Variants in ENPP2 observed in about 807,000 individuals in gnomAD.
ENPP2 encodes ectonucleotide pyrophosphatase/phosphodiesterase 2.
ENPP2 carries 51 observed loss-of-function variants against 120.2 expected under a neutral mutation model. The ratio of observed to expected loss-of-function variants is 0.42; its 90% CI spans 0.34 to 0.54. ENPP2 has a LOEUF of 0.54. ENPP2 is among the 20% of genes least tolerant of loss of function. The probability of loss-of-function intolerance (pLI) is 0.04; values close to 1 mark genes in which losing one functional copy is unlikely to be tolerated. For missense variants in ENPP2, 920 were observed against 1,066.5 expected, an observed-to-expected ratio of 0.86 and a Z score of 1.91; for synonymous variants, 365 against 366.4, an observed-to-expected ratio of 1.00 and a Z score of 0.04.
chr8:119,562,767 G>T, intron 24 of ENPP2, 90 bp downstream of exon 24: 2 of 1,248,212 alleles, frequency 1.6e-6, no homozygotes, highest in Non-Finnish European at 2.3e-6. Context: ...TTTATAATAA[G>T]TATGTTCTAG....
At chr8:119,652,896 A>G (rs1817665284) in intron 1 of ENPP2, among the ~76,000 whole-genome samples, 1 of 152,238 alleles carries the variant, frequency 6.6e-6, no homozygotes, top group South Asian at 2.1e-4. Flanking sequence ...TTGAAGCAGA[A>G]TACAAAATTT....
intron 1 of ENPP2, among the ~76,000 whole-genome samples, chr8:119,646,768 A>G (rs1030054585): frequency 5.9e-5 from 9 of 152,138 alleles, no homozygotes; most frequent in Non-Finnish European, 1.2e-4. Context: ...TTAATTAGAG[A>G]ACTATTTTCT....
chr8:119,662,342 T>C (rs1817945571), intron 1 of ENPP2, among the ~76,000 whole-genome samples: 1 of 152,142 alleles, frequency 6.6e-6, no homozygotes, highest in Non-Finnish European at 1.5e-5. Flanking sequence ...AACAATAAAG[T>C]AAATTGCATA....
intron 1 of ENPP2, among the ~76,000 whole-genome samples, chr8:119,647,942 T>C (rs1359637242): frequency 2.0e-5 from 3 of 152,002 alleles, no homozygotes; most frequent in Non-Finnish European, 4.4e-5. Flanking sequence ...GAGGCAGAGG[T>C]TGCAGTGAGC....
chr8:119,584,142 G>A lies in ENPP2; in HGVS notation c.1368-93C>T, dbSNP rs190732196. 2.0e-3 allele frequency: 1,619 copies of A among 817,090 alleles called. 2 individuals are homozygous for A. The highest frequency in any genetic ancestry group is 2.9e-3 in the Non-Finnish European group (1,429 of 492,812). The allele number at this position is 817,090 out of a possible 1,614,324, so 50.6% of individuals were successfully genotyped here. Reference sequence around the variant, plus strand: ...CAGGGTACAAAGAATATCTAAGAAGGGGCTTTTGAAAGTTTGCCTCTATTT... The same window carrying A: ...CAGGGTACAAAGAATATCTAAGAAGAGGCTTTTGAAAGTTTGCCTCTATTT... On this transcript the variant is annotated intron_variant, in intron 15 of 24. Transcript: ENST00000075322.
intron 2 of ENPP2, among the ~76,000 whole-genome samples, chr8:119,635,450 G>C (rs1269517415): frequency 6.6e-6 from 1 of 152,176 alleles, no homozygotes; most frequent in Non-Finnish European, 1.5e-5. Context: ...TAAATCACAA[G>C]TTTCAATAAA....
chr8:119,589,193 C>T (rs746734513), intron 13 of ENPP2, among the ~76,000 whole-genome samples: 2 of 152,166 alleles, frequency 1.3e-5, no homozygotes, highest in South Asian at 2.1e-4. Flanking sequence ...AACACAATCT[C>T]TTGTTTAATC....
chr8:119,654,100 T>C (rs928980575), intron 1 of ENPP2, among the ~76,000 whole-genome samples: 14 of 144,304 alleles, frequency 9.7e-5, no homozygotes, highest in African/African-American at 3.3e-4. Flanking sequence ...TATATATCTA[T>C]ATAACATGTA....
rs533600983 is a variant in ENPP2 at position 119,665,151 on chromosome 8, C to T, written c.21+8101G>A. On this transcript the variant is annotated intron_variant, in intron 1 of 25. Coordinates refer to the ENPP2 transcript ENST00000427067. ...TAATTTGAATACCTCTCTGAAGACTCTGTCTCTAAATAAGGTCACCTTCTA... is the reference window on the plus strand; with the variant it reads ...TAATTTGAATACCTCTCTGAAGACTTTGTCTCTAAATAAGGTCACCTTCTA... Among the ~76,000 whole-genome samples the T allele has an allele frequency of 2.0e-3, 306 of 152,274 alleles. 1 individual carries two copies. The highest frequency in any genetic ancestry group is 3.6e-3 in the Non-Finnish European group (246 of 68,034).
Position 119,617,021 on chromosome 8 carries a change from A to C in ENPP2, c.657+143T>G. ...AAAGTTGTAAAAGGCATTTGCTGTG[A>C]ACAAATGACCCAGTTAAGATGGAAA... On this transcript the variant is annotated intron_variant, in intron 7 of 24. Coordinates refer to ENST00000075322, the MANE Select transcript of ENPP2 (RefSeq NM_001040092.3). 6.3e-6 allele frequency: 4 copies of C among 631,434 alleles called. No homozygotes were observed. In the South Asian group the frequency reaches 7.9e-5, roughly 12 times the overall value. The allele number at this position is 631,434 out of a possible 1,614,324, so 39.1% of individuals were successfully genotyped here.
chr8:119,656,530 T>C (rs1817770530), intron 1 of ENPP2, among the ~76,000 whole-genome samples: 1 of 152,202 alleles, frequency 6.6e-6, no homozygotes, highest in African/African-American at 2.4e-5. Context: ...TGTCCACTTA[T>C]TTAAACAGCA....
At chr8:119,638,646 T>C in intron 1 of ENPP2, 102 bp downstream of exon 1, 1 of 998,158 alleles carries the variant, frequency 1.0e-6, no homozygotes, top group Non-Finnish European at 1.6e-6. Context: ...CCAAAATGCA[T>C]AATAAGGTGC....
At chr8:119,657,017 T>G (rs1817782447) in intron 1 of ENPP2, among the ~76,000 whole-genome samples, 1 of 152,160 alleles carries the variant, frequency 6.6e-6, no homozygotes, top group Non-Finnish European at 1.5e-5. Context: ...AACCTCTGCC[T>G]CCCAGTTTCA....
intron 2 of ENPP2, among the ~76,000 whole-genome samples, chr8:119,637,352 C>T (rs1020038467): frequency 1.3e-5 from 2 of 152,198 alleles, no homozygotes; most frequent in African/African-American, 4.8e-5. Context: ...AACCCCGCCA[C>T]ACCCCACTTC....
chr8:119,614,257 G>A (rs1031460882), intron 8 of ENPP2, among the ~76,000 whole-genome samples: 1 of 151,738 alleles, frequency 6.6e-6, no homozygotes, highest in Non-Finnish European at 1.5e-5. Context: ...AGTAGAGATG[G>A]AGTTTCACTA....
chr8:119,583,680 G>A lies in ENPP2; in HGVS notation c.1543+37C>T, dbSNP rs200910762. 6 of 1,140,984 alleles carry A rather than the reference G, an allele frequency of 5.3e-6. No homozygotes were observed. The East Asian group carries it at 1.4e-4, about 27-fold the overall frequency. 70.7% of individuals were successfully genotyped at this position (1,140,984 alleles called of 1,614,324 possible). A position where few individuals can be genotyped will look rare whatever the true frequency, so the allele number is the denominator to read the frequency against. ...AGAAAGATCATATATACTAACTAAA[G>A]ATTGTTTCAATGGTTCTGATTAAAT... On this transcript the variant is annotated intron_variant, in intron 17 of 24. Transcript: ENST00000075322.
chr8:119,600,809 A>T, intron 10 of ENPP2, 59 bp from the exon 11 acceptor site: 2 of 947,254 alleles, frequency 2.1e-6, no homozygotes, highest in Non-Finnish European at 3.4e-6. Context: ...AAAAAATATC[A>T]CATATTTTTA....
chr8:119,566,456 C>T (rs1469557251), intron 22 of ENPP2, among the ~76,000 whole-genome samples: 3 of 152,052 alleles, frequency 2.0e-5, no homozygotes, highest in African/African-American at 7.2e-5. Flanking sequence ...GCAGAGCAGC[C>T]CACAAGAGCC....
chr8:119,592,329 C>A (rs181593788), intron 12 of ENPP2, among the ~76,000 whole-genome samples: 3 of 151,968 alleles, frequency 2.0e-5, no homozygotes, highest in African/African-American at 7.2e-5. Flanking sequence ...AAAATTTAGC[C>A]GGGCCTGGTG....
Sources: gnomAD v4.1 joint callset for allele counts (sites outside exome capture counted in the v4.1 genomes callset) on GRCh38, gnomAD v4.1.1 for gene constraint, MANE v1.5 for transcripts, NCBI Gene and HGNC (gene_info 2026-07-23, HGNC 2026-07-21) for gene names.